PCDHA1: variants seen among roughly 807,000 people sequenced by gnomAD.
PCDHA1 encodes protocadherin alpha-1.
Under a neutral mutation model 61.3 loss-of-function variants are expected in PCDHA1, and 42 were observed. The ratio of observed to expected loss-of-function variants is 0.69; its 90% confidence interval spans 0.54 to 0.89. The LOEUF is 0.89. PCDHA1 is among the 40% of genes least tolerant of loss of function. PCDHA1 has a pLI of 0.00. For synonymous variants in PCDHA1, 610 were observed against 553.8 expected (o/e 1.10, Z -1.43); for missense variants, 1,256 against 1,235.3 (o/e 1.02, Z -0.25).
At position 140,827,965 on chromosome 5, in the gene PCDHA1, T is replaced by C. The variant is rs2150149938; in HGVS notation, c.2394+39281T>C. ...CCAACATTCAAATTTCTTCTATTAC[T>C]GCATCATTCCCTGACTGTTGAATGA... On this transcript the variant is annotated intron_variant, in intron 1 of 3. Coordinates refer to ENST00000504120, the MANE Select transcript of PCDHA1 (RefSeq NM_018900.4). 6.1e-4 allele frequency: 813 copies of C among 1,335,936 alleles called. 3 individuals carry two copies. The highest frequency in any genetic ancestry group is 2.5e-3 in the South Asian group (173 of 69,782). 82.8% of individuals were successfully genotyped at this position (1,335,936 alleles called of 1,614,324 possible).
chr5:140,859,506 C>A, intron 1 of PCDHA1: 1 of 197,142 alleles, frequency 5.1e-6, no homozygotes, highest in Non-Finnish European at 1.0e-5. Flanking sequence ...ACCTGATACC[C>A]ATGATTTCAT....
At chr5:140,961,345 C>T (rs1440791542) in intron 1 of PCDHA1, among the ~76,000 whole-genome samples, 1 of 152,136 alleles carries the variant, frequency 6.6e-6, no homozygotes, top group Non-Finnish European at 1.5e-5. Context: ...AGAGTGGATC[C>T]CTGTAGTCCC....
intron 1 of PCDHA1, among the ~76,000 whole-genome samples, chr5:140,973,841 G>A (rs2096604649): frequency 6.6e-6 from 1 of 152,188 alleles, no homozygotes; most frequent in Admixed American, 6.5e-5. Context: ...CTTGCTTGTT[G>A]CCTACCAATT....
chr5:140,828,831 A>G (rs2150159433), intron 1 of PCDHA1: 1 of 1,614,230 alleles, frequency 6.2e-7, no homozygotes, highest in East Asian at 2.2e-5. Flanking sequence ...CAGTCTGAAT[A>G]CGAAGTAAGA....
chr5:140,902,140 G>A (rs1156661388), intron 1 of PCDHA1, among the ~76,000 whole-genome samples: 2 of 151,048 alleles, frequency 1.3e-5, no homozygotes, highest in African/African-American at 4.9e-5. Context: ...CTGCAAACAA[G>A]GATAATTTGA....
intron 1 of PCDHA1, chr5:140,927,270 C>G: frequency 6.2e-7 from 1 of 1,614,150 alleles, no homozygotes; most frequent in Non-Finnish European, 8.5e-7. Context: ...TCTTTCCTGC[C>G]GGCGACGTGC....
chr5:140,871,490 G>A (rs1554165680), intron 1 of PCDHA1: 1 of 1,590,548 alleles, frequency 6.3e-7, no homozygotes, highest in Admixed American at 1.8e-5. Context: ...AATCACCCCG[G>A]ACAGGTGAGT....
At chr5:140,925,959 T>A (rs1424415985) in intron 1 of PCDHA1, among the ~76,000 whole-genome samples, 5 of 151,912 alleles carry the variant, frequency 3.3e-5, no homozygotes, top group African/African-American at 4.8e-5. Flanking sequence ...GAAACTGCTA[T>A]CACGCAAAAA....
At chr5:140,862,623 G>T in intron 1 of PCDHA1, 1 of 531,204 alleles carries the variant, frequency 1.9e-6, no homozygotes, top group Non-Finnish European at 3.8e-6. Context: ...ACAACCCGCG[G>T]GGCTGCCACG....
chr5:140,797,241 C>T, intron 1 of PCDHA1: 1 of 1,614,200 alleles, frequency 6.2e-7, no homozygotes, highest in Non-Finnish European at 8.5e-7. Flanking sequence ...AGAGGGTGTG[C>T]TCTGGGGAGG....
In PCDHA1 at chr5:140,841,673, C is replaced by T; in HGVS notation, c.2394+52989C>T. On this transcript the variant is annotated intron_variant, in intron 1 of 3. Transcript: ENST00000504120. ...CGTGGACAGGCCGCTGCAGGTTTTCCATGTGGACGTGGAGGTGAAGGATGT... is the reference window on the plus strand; with the variant it reads ...CGTGGACAGGCCGCTGCAGGTTTTCTATGTGGACGTGGAGGTGAAGGATGT... 1.2e-6 allele frequency: 2 copies of T among 1,614,024 alleles called. No individual in the cohort carries two copies. The highest frequency in any genetic ancestry group is 1.7e-6 in the Non-Finnish European group (2 of 1,179,944).
At chr5:140,811,629 G>A (rs2126630282) in intron 1 of PCDHA1, 8 of 152,132 alleles carry the variant, frequency 5.3e-5, no homozygotes, top group South Asian at 4.1e-4. Context: ...GTGTAAAAGC[G>A]TTACTATTTC....
In PCDHA1 at chr5:140,871,387, G is replaced by A. The variant is rs372339362; in HGVS notation, c.2394+82703G>A. Reference sequence around the variant, plus strand: ...GCGGCAGAGGGTGTGCTCTGAGGAGGGCCCACCTAAGACGGACCTCATGGC... The same window carrying A: ...GCGGCAGAGGGTGTGCTCTGAGGAGAGCCCACCTAAGACGGACCTCATGGC... On this transcript the variant is annotated intron_variant, in intron 1 of 3. Coordinates refer to ENST00000504120, the MANE Select transcript of PCDHA1 (RefSeq NM_018900.4). 87 of 1,614,172 alleles carry A rather than the reference G, an allele frequency of 5.4e-5. No homozygotes were observed. The African/African-American group carries it at 1.0e-3, about 19-fold the overall frequency.
intron 1 of PCDHA1, chr5:140,830,847 A>G (rs1474547924): frequency 6.5e-6 from 1 of 153,834 alleles, no homozygotes; most frequent in Non-Finnish European, 1.4e-5. Context: ...TTTTACATAT[A>G]CTCTTTTTTG....
At chr5:140,969,935 T>C (rs1490184904) in intron 1 of PCDHA1, among the ~76,000 whole-genome samples, 2 of 152,222 alleles carry the variant, frequency 1.3e-5, no homozygotes, top group Non-Finnish European at 2.9e-5. Context: ...TTAGACATCA[T>C]ACTGAAGCTA....
Position 140,788,192 on chromosome 5 carries a change from T to C in PCDHA1, c.1902T>C (p.Thr634=), listed in dbSNP as rs781880622. ...TGTACACGGGCGAGATCAGCACGACTCGTGTCCTGGACGAGGCTGACTTGT... is the reference window on the plus strand; with the variant it reads ...TGTACACGGGCGAGATCAGCACGACCCGTGTCCTGGACGAGGCTGACTTGT... ...VGLYTGEIST[T]RVLDEADLSR... Residue 634 remains threonine, a synonymous_variant, in exon 1 of 4, where the codon ACT becomes ACC. Coordinates refer to ENST00000504120, the MANE Select transcript of PCDHA1 (RefSeq NM_018900.4). 1.4e-5 allele frequency: 23 copies of C among 1,613,922 alleles called. No individual in the cohort carries two copies. The highest frequency in any genetic ancestry group is 1.9e-5 in the Non-Finnish European group (22 of 1,179,936).
Position 141,010,239 on chromosome 5 carries a change from G to A in PCDHA1, c.*302G>A. ...AGGCTTCCCAGCCCCGCCAGTGAGA[G>A]GTTGGACTCTCTGCCCTGTGCTCCG... On this transcript the variant is annotated 3_prime_UTR_variant, in exon 4 of 4. Transcript: ENST00000504120. 1 of 1,551,938 alleles carries A rather than the reference G, an allele frequency of 6.4e-7. No homozygotes were observed. Among genetic ancestry groups the A allele is most frequent in the Non-Finnish European group, 8.7e-7 (1 of 1,147,044 alleles).
Position 140,787,194 on chromosome 5 carries a change from AT to A in PCDHA1, c.906del (p.Arg303GlyfsTer2). The A allele has an allele frequency of 6.2e-7, 1 of 1,614,040 alleles. No individual in the cohort carries two copies. The highest frequency in any genetic ancestry group is 8.5e-7 in the Non-Finnish European group (1 of 1,179,954). ...KFKVDSSSGE[I>X]RLIDKLDYEE... ...CAAAGTTGATTCCAGCTCAGGAGAAATTAGGTTAATTGATAAACTGGATTAT... is the reference window on the plus strand; with the variant it reads ...CAAAGTTGATTCCAGCTCAGGAGAAATAGGTTAATTGATAAACTGGATTAT... On this transcript the variant is annotated frameshift_variant, in exon 1 of 4. Coordinates refer to ENST00000504120, the MANE Select transcript of PCDHA1 (RefSeq NM_018900.4). LOFTEE classifies it high-confidence loss of function.
At chr5:140,943,257 CAA>C (rs1238620023) in intron 1 of PCDHA1, among the ~76,000 whole-genome samples, 5 of 77,564 alleles carry the variant, frequency 6.4e-5, no homozygotes, top group Non-Finnish European at 2.5e-5. Flanking sequence ...GACTCTGTCT[CAA>C]AAAAAAAAAA....
Sources: gnomAD v4.1 joint callset for allele counts (sites outside exome capture counted in the v4.1 genomes callset) on GRCh38, gnomAD v4.1.1 for gene constraint, MANE v1.5 for transcripts, NCBI Gene and HGNC (gene_info 2026-07-23, HGNC 2026-07-21) for gene names.